SNAP25: variants seen among roughly 807,000 people sequenced by gnomAD.
The protein encoded by SNAP25 is synaptosome associated protein 25, also known as synaptosomal-associated protein 25.
In SNAP25, 3 loss-of-function variants were observed where a neutral mutation model predicts 28.7. The ratio of observed to expected loss-of-function variants is 0.10; its 90% CI spans 0.05 to 0.27. SNAP25 has a LOEUF of 0.27. Among genes scored for constraint, SNAP25 ranks in the 10% least tolerant of loss-of-function variants. The probability of loss-of-function intolerance (pLI) is 1.00; values close to 1 mark genes in which losing one functional copy is unlikely to be tolerated. For synonymous variants in SNAP25, 61 were observed against 88.1 expected (o/e 0.69, Z 1.72); for missense variants, 117 against 278.7 (o/e 0.42, Z 4.13).
intron 1 of SNAP25, among the ~76,000 whole-genome samples, chr20:10,258,632 T>C (rs2063360712): frequency 6.6e-6 from 1 of 152,216 alleles, no homozygotes; most frequent in East Asian, 1.9e-4. Flanking sequence ...TCCATGATAA[T>C]GATAGGGAAT....
intron 1 of SNAP25, among the ~76,000 whole-genome samples, chr20:10,229,653 A>T (rs2062792965): frequency 2.6e-5 from 4 of 152,140 alleles, no homozygotes; most frequent in Admixed American, 2.6e-4. Flanking sequence ...TTTTTTGAGC[A>T]TCTACTATGT....
chr20:10,289,500 G>T (rs985214526), intron 4 of SNAP25, among the ~76,000 whole-genome samples: 1 of 151,670 alleles, frequency 6.6e-6, no homozygotes, highest in Non-Finnish European at 1.5e-5. Flanking sequence ...ATCTTAAAAG[G>T]TTCATGGCAC....
chr20:10,295,526 T>C (rs534232005), intron 5 of SNAP25, among the ~76,000 whole-genome samples: 1 of 152,206 alleles, frequency 6.6e-6, no homozygotes, highest in Non-Finnish European at 1.5e-5. Context: ...TGCGGCATTA[T>C]AGACTTGATT....
chr20:10,305,366 A>T (rs1420183052), intron 7 of SNAP25, among the ~76,000 whole-genome samples: 1 of 152,106 alleles, frequency 6.6e-6, no homozygotes, highest in African/African-American at 2.4e-5. Context: ...ACATAGTGAG[A>T]TCTCATCTAT....
chr20:10,274,827 A>G (rs945532259), intron 1 of SNAP25, among the ~76,000 whole-genome samples: 1 of 152,138 alleles, frequency 6.6e-6, no homozygotes, highest in Non-Finnish European at 1.5e-5. Context: ...TGGGCGACAG[A>G]GCGAGACTCT....
At position 10,250,304 on chromosome 20, in the gene SNAP25, G is replaced by A. The variant is rs139079471; in HGVS notation, c.-63-25125G>A. The stretch of plus-strand genomic sequence containing the variant: ...GGGCATTTCTGAAAGAGCTTGTTGA[G>A]TGTAAGTAAATGGAAGAGGTATGGT... On this transcript the variant is annotated intron_variant, in intron 1 of 7. Coordinates refer to ENST00000254976, the MANE Select transcript of SNAP25 (RefSeq NM_130811.4). 7.1e-3 allele frequency among the ~76,000 whole-genome samples: 1,088 copies of A among 152,306 alleles called. 15 individuals are homozygous for A. Among genetic ancestry groups the A allele is most frequent in the African/African-American group, 0.024 (991 of 41,566 alleles).
At chr20:10,239,473 G>A (rs531049972) in intron 1 of SNAP25, among the ~76,000 whole-genome samples, 1 of 152,374 alleles carries the variant, frequency 6.6e-6, no homozygotes, top group South Asian at 2.1e-4. Context: ...GCCCAAGCCT[G>A]TAGATCTTTT....
chr20:10,244,154 A>T (rs1009479202), intron 1 of SNAP25, among the ~76,000 whole-genome samples: 1 of 152,302 alleles, frequency 6.6e-6, no homozygotes, highest in Non-Finnish European at 1.5e-5. Flanking sequence ...TAAGGTTTTG[A>T]CTATGGTGCA....
chr20:10,220,529 C>T (rs1159900666), intron 1 of SNAP25, among the ~76,000 whole-genome samples: 1 of 152,148 alleles, frequency 6.6e-6, no homozygotes, highest in Admixed American at 6.5e-5. Flanking sequence ...TGCAATTTCT[C>T]TTATGGCACT....
chr20:10,246,490 C>A (rs2063130988), intron 1 of SNAP25, among the ~76,000 whole-genome samples: 1 of 152,146 alleles, frequency 6.6e-6, no homozygotes, highest in African/African-American at 2.4e-5. Flanking sequence ...AGAAAAGAGG[C>A]AAACCACCCT....
At chr20:10,304,175 T>C (rs1190246431) in intron 7 of SNAP25, among the ~76,000 whole-genome samples, 1 of 152,204 alleles carries the variant, frequency 6.6e-6, no homozygotes, top group African/African-American at 2.4e-5. Flanking sequence ...GTTTCTCCAT[T>C]TATTAGTACT....
At chr20:10,277,814 A>T (rs2063716437) in intron 3 of SNAP25, 88 bp downstream of exon 3, 2 of 1,221,654 alleles carry the variant, frequency 1.6e-6, no homozygotes, top group Non-Finnish European at 1.2e-6. Flanking sequence ...TCCTTGGGCC[A>T]TGATCCCCTA....
chr20:10,243,344 A>C (rs2063068360), intron 1 of SNAP25, among the ~76,000 whole-genome samples: 2 of 152,262 alleles, frequency 1.3e-5, no homozygotes, highest in South Asian at 4.1e-4. Context: ...TACAACCAAG[A>C]AACCAACATG....
intron 6 of SNAP25, 77 bp downstream of exon 6, chr20:10,297,127 A>G (rs1242343506): frequency 1.4e-6 from 2 of 1,441,330 alleles, no homozygotes; most frequent in South Asian, 1.5e-5. Flanking sequence ...GTGGTTTTCT[A>G]AAAAACAACC....
chr20:10,296,882 C>T (rs754274385), intron 5 of SNAP25, 43 bp from the exon 6 acceptor site: 1 of 1,611,370 alleles, frequency 6.2e-7, no homozygotes, highest in Non-Finnish European at 8.5e-7. Flanking sequence ...AGAGCTTGCT[C>T]CTCCACCCCT....
In SNAP25 at chr20:10,306,066, C is replaced by T. The variant is rs1468870638; in HGVS notation, c.553-63C>T. 4 of 1,535,504 alleles carry T rather than the reference C, an allele frequency of 2.6e-6. No individual in the cohort carries two copies. In the African/African-American group the frequency reaches 4.1e-5, roughly 16 times the overall value. ...CCAAGAGGAAGCATTGGACCCGGAC[C>T]CAGAAGGGTGAATGGATTTTTAAGG... On this transcript the variant is annotated intron_variant, in intron 7 of 7. Transcript: ENST00000254976.
At chr20:10,220,379 G>A (rs1452580388) in intron 1 of SNAP25, among the ~76,000 whole-genome samples, 1 of 152,186 alleles carries the variant, frequency 6.6e-6, no homozygotes, top group Admixed American at 6.5e-5. Flanking sequence ...ATCAGCACTG[G>A]TTATCGCAGG....
chr20:10,265,361 A>AAAACATAAGGTACT (rs2063489777), intron 1 of SNAP25, among the ~76,000 whole-genome samples: 1 of 152,218 alleles, frequency 6.6e-6, no homozygotes, highest in Non-Finnish European at 1.5e-5. Context: ...TCTGGTCCTT[A>AAAACATAAGGTACT]GTTTGCCTTA....
intron 5 of SNAP25, among the ~76,000 whole-genome samples, chr20:10,294,557 C>A (rs909806267): frequency 2.6e-5 from 4 of 152,162 alleles, no homozygotes; most frequent in Admixed American, 2.6e-4. Context: ...CTCCATCCTC[C>A]TGCAACTTCC....
Sources: gnomAD v4.1 joint callset for allele counts (sites outside exome capture counted in the v4.1 genomes callset) on GRCh38, gnomAD v4.1.1 for gene constraint, MANE v1.5 for transcripts, NCBI Gene and HGNC (gene_info 2026-07-23, HGNC 2026-07-21) for gene names.